Variants in ATXN7 observed in about 807,000 individuals in gnomAD.
The protein encoded by ATXN7 is ataxin 7, also known as ataxin-7.
Under a neutral mutation model 70.5 loss-of-function variants are expected in ATXN7, and 12 were observed. That is an observed-to-expected ratio of 0.17 (90% confidence interval 0.11 to 0.28). The LOEUF (loss-of-function observed/expected upper bound fraction) is 0.28. ATXN7 is among the 10% of genes least tolerant of loss of function. ATXN7 has a pLI of 1.00. For synonymous variants in ATXN7, 498 were observed against 448.7 expected (o/e 1.11, Z -1.39); for missense variants, 1,256 against 1,131.7 (o/e 1.11, Z -1.58).
At chr3:63,961,036 AT>A (rs2075120182) in intron 5 of ATXN7, among the ~76,000 whole-genome samples, 1 of 152,214 alleles carries the variant, frequency 6.6e-6, no homozygotes, top group East Asian at 1.9e-4. Context: ...AATAAAATAC[AT>A]TGTAAAAGAA....
intron 2 of ATXN7, chr3:63,901,598 A>C (rs1284269021): frequency 2.6e-5 from 4 of 152,174 alleles, no homozygotes; most frequent in African/African-American, 9.7e-5. Context: ...CTTTAAAAAA[A>C]AACAAAAATA....
chr3:63,898,781 T>C (rs1156896298), intron 2 of ATXN7, among the ~76,000 whole-genome samples: 1 of 152,202 alleles, frequency 6.6e-6, no homozygotes, highest in African/African-American at 2.4e-5. Flanking sequence ...GAATCCTCCT[T>C]CTTTCCCAGT....
At chr3:63,946,258 A>G (rs557863068) in intron 4 of ATXN7, among the ~76,000 whole-genome samples, 3 of 152,026 alleles carry the variant, frequency 2.0e-5, no homozygotes, top group African/African-American at 4.8e-5. Context: ...CAGAGAGGGC[A>G]TTGGGGCTAG....
intron 4 of ATXN7, among the ~76,000 whole-genome samples, chr3:63,917,152 A>G (rs1387533297): frequency 6.6e-6 from 1 of 152,046 alleles, no homozygotes; most frequent in Non-Finnish European, 1.5e-5. Flanking sequence ...ACTCCTGACC[A>G]GAAGTGATCC....
chr3:63,956,643 A>T (rs1457426321), intron 5 of ATXN7, among the ~76,000 whole-genome samples: 4 of 152,068 alleles, frequency 2.6e-5, no homozygotes, highest in African/African-American at 7.2e-5. Flanking sequence ...CCCTGGGCTG[A>T]TTCTGACACA....
intron 1 of ATXN7, among the ~76,000 whole-genome samples, chr3:63,865,843 C>T (rs1478643371): frequency 2.2e-5 from 3 of 135,734 alleles, no homozygotes; most frequent in East Asian, 4.4e-4. Flanking sequence ...TGCAGTGAGC[C>T]CAGATCCCGC....
At chr3:63,992,050 C>T (rs1403544195) in intron 11 of ATXN7, among the ~76,000 whole-genome samples, 3 of 152,126 alleles carry the variant, frequency 2.0e-5, no homozygotes, top group Non-Finnish European at 2.9e-5. Context: ...GTCCAGTAAT[C>T]CCCAGGCCAT....
chr3:63,997,362 G>A (rs1461561035), intron 12 of ATXN7, among the ~76,000 whole-genome samples: 1 of 152,200 alleles, frequency 6.6e-6, no homozygotes, highest in Non-Finnish European at 1.5e-5. Context: ...AGGAAAACAG[G>A]ATTCAGTATG....
chr3:63,953,689 C>T (rs1191791422), intron 5 of ATXN7, among the ~76,000 whole-genome samples: 1 of 148,008 alleles, frequency 6.8e-6, no homozygotes, highest in Non-Finnish European at 1.5e-5. Context: ...GCCTCTCTGT[C>T]ATCCACGTTG....
At chr3:63,932,870 A>G (rs1193007340) in intron 4 of ATXN7, among the ~76,000 whole-genome samples, 2 of 152,168 alleles carry the variant, frequency 1.3e-5, no homozygotes, top group African/African-American at 4.8e-5. Flanking sequence ...AGATTGTTAC[A>G]TGTCATCACA....
chr3:63,933,080 A>C (rs2074587404), intron 4 of ATXN7, among the ~76,000 whole-genome samples: 1 of 152,212 alleles, frequency 6.6e-6, no homozygotes, highest in African/African-American at 2.4e-5. Context: ...AAGTAAACTC[A>C]GACAACTTAA....
intron 5 of ATXN7, among the ~76,000 whole-genome samples, chr3:63,974,185 C>A (rs1343372029): frequency 6.6e-6 from 1 of 152,186 alleles, no homozygotes; most frequent in East Asian, 1.9e-4. Flanking sequence ...CTGGCTGACA[C>A]ACCCATAGCT....
chr3:63,995,981 C>G lies in ATXN7; in HGVS notation c.2159C>G (p.Ser720Cys), dbSNP rs770877170. 40 of 1,613,630 alleles carry G rather than the reference C, an allele frequency of 2.5e-5. No homozygotes were observed. Among genetic ancestry groups the G allele is most frequent in the Non-Finnish European group, 3.1e-5 (37 of 1,179,686 alleles). ...SSPLLVHSSS[S>C]SSSSSSSSHS... ...CCACTGTTGGTTCACTCTTCCTCCT[C>G]CTCTTCCTCCTCCTCCTCTTCTTCT... is the stretch of plus-strand genomic sequence containing the variant. The change falls in exon 12 of 13, where the codon TCC (serine) becomes TGC (cysteine). Residue 720 changes from serine to cysteine, a missense_variant. Coordinates refer to ENST00000674280, the MANE Select transcript of ATXN7 (RefSeq NM_001377405.1).
chr3:63,922,899 C>G (rs1177357124), intron 4 of ATXN7, among the ~76,000 whole-genome samples: 1 of 152,166 alleles, frequency 6.6e-6, no homozygotes, highest in Non-Finnish European at 1.5e-5. Context: ...AGCCATCATT[C>G]TGTGTAATCC....
chr3:63,900,692 TTC>T (rs1559624616), intron 2 of ATXN7: 1 of 152,348 alleles, frequency 6.6e-6, no homozygotes, highest in Non-Finnish European at 1.5e-5. Context: ...TTTATGGAGT[TTC>T]TACTGTGTGC....
At chr3:63,976,992 A>G (rs973181403) in intron 5 of ATXN7, among the ~76,000 whole-genome samples, 3 of 152,226 alleles carry the variant, frequency 2.0e-5, no homozygotes, top group Non-Finnish European at 2.9e-5. Context: ...TTGCAGCTTG[A>G]CTGTGAAGTC....
intron 1 of ATXN7, among the ~76,000 whole-genome samples, chr3:63,867,344 T>G (rs1056230995): frequency 1.3e-5 from 2 of 152,174 alleles, no homozygotes; most frequent in Non-Finnish European, 2.9e-5. Context: ...TCTTCTTTTT[T>G]CCTTTTTCTT....
intron 5 of ATXN7, among the ~76,000 whole-genome samples, chr3:63,956,742 C>G (rs1462472495): frequency 6.6e-6 from 1 of 152,178 alleles, no homozygotes; most frequent in African/African-American, 2.4e-5. Context: ...GGGAGACATA[C>G]AATGACTGAC....
chr3:63,995,122 T>G (rs1576004413), intron 11 of ATXN7, among the ~76,000 whole-genome samples: 1 of 152,242 alleles, frequency 6.6e-6, no homozygotes, highest in African/African-American at 2.4e-5. Flanking sequence ...TGGGGATGAC[T>G]CTCTCTGCAG....
Sources: allele counts gnomAD v4.1 joint callset (sites outside exome capture counted in the v4.1 genomes callset), GRCh38; gene constraint gnomAD v4.1.1; transcripts MANE v1.5; gene names NCBI Gene and HGNC (gene_info 2026-07-23, HGNC 2026-07-21).